Variants in DNAH5 observed in about 807,000 individuals in gnomAD.
The protein encoded by DNAH5 is dynein axonemal heavy chain 5.
Under a neutral mutation model 518.2 loss-of-function variants are expected in DNAH5, and 372 were observed. The observed-to-expected ratio is 0.72, with a 90% CI of 0.66 to 0.78. DNAH5 has a LOEUF of 0.78. Ranked by LOEUF, DNAH5 falls within the 30% of genes least tolerant of loss-of-function variation. DNAH5 has a pLI of 0.00. For missense variants in DNAH5, 5,523 were observed against 5,687.0 expected (o/e 0.97, Z 0.93); for synonymous variants, 2,039 against 2,025.9 (o/e 1.01, Z -0.17).
At chr5:13,906,180 T>C in intron 12 of DNAH5, among the ~76,000 whole-genome samples, 1 of 152,232 alleles carries the variant, frequency 6.6e-6, no homozygotes, top group Admixed American at 6.5e-5. Context: ...CCACGGTCGA[T>C]GCATATCCTT....
rs778042197 is a variant in DNAH5 at position 13,700,714 on chromosome 5, ATGTTCCTCT to A, written c.13640_13648del (p.Lys4547_Asn4549del). On this transcript the variant is annotated inframe_deletion, in exon 78 of 79. Coordinates refer to ENST00000265104, the MANE Select transcript of DNAH5 (RefSeq NM_001369.3). The stretch of plus-strand genomic sequence containing the variant: ...TTTTGGCTTTGATTCAATGAGTTTC[ATGTTCCTCT>A]TGTCCCAGCCAGCACCTTCAAGATA... The A allele has an allele frequency of 3.7e-6, 6 of 1,614,154 alleles. No homozygotes were observed. The highest frequency in any genetic ancestry group is 5.1e-6 in the Non-Finnish European group (6 of 1,180,012).
Position 13,871,598 on chromosome 5 carries a change from T to G in DNAH5, c.3564A>C (p.Glu1188Asp). The G allele has an allele frequency of 5.0e-6, 8 of 1,613,744 alleles. No individual in the cohort carries two copies. The highest frequency in any genetic ancestry group is 6.8e-6 in the Non-Finnish European group (8 of 1,179,748). ...GAGCAATGGAACCCACACAGACATA[T>G]TCAGGCTCAGCATTAATTTCCTGCT... The part of the protein sequence containing the change: ...NLEQEINAEP[E>D]YVCVGSIALY... Residue 1188 changes from glutamate (E) to aspartate (D), a missense_variant, in exon 23 of 79, where the codon GAA becomes GAC. By Grantham distance (45) the Glu-to-Asp change is conservative (BLOSUM62 2). Coordinates refer to ENST00000265104, the MANE Select transcript of DNAH5 (RefSeq NM_001369.3).
In DNAH5 at chr5:13,752,227, C is replaced by T; in HGVS notation, c.10935G>A (p.Arg3645=). 6.2e-7 allele frequency: 1 copy of T among 1,614,012 alleles called. No homozygotes were observed. Among genetic ancestry groups the T allele is most frequent in the Non-Finnish European group, 8.5e-7 (1 of 1,179,960 alleles). ...NHLEDSLSLG[R]PLLIEDVGEE... Reference sequence around the variant, plus strand: ...CTCCAACATCTTCAATAAGCAAAGGCCTTCCAAGAGAAAGGCTGTCTTCCA... The same window carrying T: ...CTCCAACATCTTCAATAAGCAAAGGTCTTCCAAGAGAAAGGCTGTCTTCCA... The change falls in exon 64 of 79, where the codon AGG becomes AGA. Residue 3645 remains arginine, a synonymous_variant. Coordinates refer to ENST00000265104, the MANE Select transcript of DNAH5 (RefSeq NM_001369.3).
rs531531194 is a variant in DNAH5, at chr5:13,991,693, A to T, written c.12+19955T>A. ...AGAAACGAGGGAGGCGTGAAGACAG[A>T]ACAGAGGTGTGAGGGGGAGCCCTTC... On this transcript the variant is annotated intron_variant, in intron 1 of 78. Transcript: ENST00000681290. 2.0e-5 allele frequency among the ~76,000 whole-genome samples: 3 copies of T among 152,210 alleles called. No homozygotes were observed. In the South Asian group the frequency reaches 6.2e-4, roughly 32 times the overall value.
At chr5:13,725,308 G>T (rs1745571804) in intron 70 of DNAH5, among the ~76,000 whole-genome samples, 1 of 152,350 alleles carries the variant, frequency 6.6e-6, no homozygotes, top group Non-Finnish European at 1.5e-5. Context: ...ATTTACTGAG[G>T]CAAAGAGGAC....
chr5:13,890,494 T>C (rs1257656313), intron 17 of DNAH5, among the ~76,000 whole-genome samples: 3 of 152,062 alleles, frequency 2.0e-5, no homozygotes, highest in Admixed American at 6.6e-5. Flanking sequence ...GCACAGTCTT[T>C]ACCCTAAGCA....
chr5:13,788,641 C>A, intron 51 of DNAH5, 75 bp downstream of exon 51: 1 of 1,282,696 alleles, frequency 7.8e-7, no homozygotes. Flanking sequence ...CATCCATAAA[C>A]TGAATCTTCT....
At chr5:13,829,992 C>A in intron 37 of DNAH5, 34 bp downstream of exon 37, 1 of 1,590,888 alleles carries the variant, frequency 6.3e-7, no homozygotes, top group Non-Finnish European at 8.6e-7. Flanking sequence ...GATAAGAAGG[C>A]TGAAATTCAG....
At chr5:13,841,466 C>T (rs1765155350) in intron 33 of DNAH5, among the ~76,000 whole-genome samples, 1 of 152,106 alleles carries the variant, frequency 6.6e-6, no homozygotes, top group African/African-American at 2.4e-5. Context: ...AAAGACAATA[C>T]ATCAAATATA....
intron 69 of DNAH5, among the ~76,000 whole-genome samples, chr5:13,728,101 T>C (rs1227056285): frequency 6.6e-6 from 1 of 152,226 alleles, no homozygotes; most frequent in African/African-American, 2.4e-5. Context: ...CACATGTTTA[T>C]TATTGAATGA....
intron 49 of DNAH5, among the ~76,000 whole-genome samples, chr5:13,793,213 C>T (rs1757272505): frequency 6.6e-6 from 1 of 152,174 alleles, no homozygotes; most frequent in South Asian, 2.1e-4. Flanking sequence ...AGGAAACAAC[C>T]TCATGTATGG....
At chr5:13,864,753 T>C in intron 27 of DNAH5, 116 bp from the exon 28 acceptor site, 1 of 1,148,918 alleles carries the variant, frequency 8.7e-7, no homozygotes, top group Non-Finnish European at 1.3e-6. Flanking sequence ...TTATCCTATT[T>C]TAAATCCCAT....
Position 13,991,527 on chromosome 5 carries a change from A to AGGAGG in DNAH5, c.12+20116_12+20120dup, listed in dbSNP as rs1012557115. 2.2e-4 allele frequency among the ~76,000 whole-genome samples: 18 copies of AGGAGG among 80,888 alleles called. No individual in the cohort carries two copies. The South Asian group carries it at 2.4e-3, about 11-fold the overall frequency. 53.1% of individuals were successfully genotyped at this position (80,888 alleles called of 152,430 possible). A position where few individuals can be genotyped will look rare whatever the true frequency, so the allele number is the denominator to read the frequency against. ...GAAGGAGAAGGAGGAAGAGGAGGGG[A>AGGAGG]GGAGGGGAGGGGAGGGGGAGGAGGA... On this transcript the variant is annotated intron_variant, in intron 1 of 78. Coordinates refer to the DNAH5 transcript ENST00000681290.
At chr5:13,772,995 C>T (rs1352314401) in intron 55 of DNAH5, among the ~76,000 whole-genome samples, 1 of 152,182 alleles carries the variant, frequency 6.6e-6, no homozygotes, top group African/African-American at 2.4e-5. Flanking sequence ...CTAATACTCA[C>T]AGATGGTATT....
chr5:13,869,202 A>T (rs937382038), intron 24 of DNAH5, among the ~76,000 whole-genome samples: 2 of 152,114 alleles, frequency 1.3e-5, no homozygotes, highest in African/African-American at 4.8e-5. Flanking sequence ...TAATGTGAAA[A>T]TTTTCAAAAT....
chr5:13,856,670 AATCAAGTCAGCTTCATCCCTGGG>A (rs1217996340), intron 30 of DNAH5, among the ~76,000 whole-genome samples: 3 of 152,202 alleles, frequency 2.0e-5, no homozygotes, highest in African/African-American at 7.2e-5. Context: ...TATCCACCAC[AATCAAGTCAGCTTCATCCCTGGG>A]ATGTAACGCT....
At chr5:13,910,987 G>A (rs2151977036) in intron 12 of DNAH5, among the ~76,000 whole-genome samples, 1 of 152,334 alleles carries the variant, frequency 6.6e-6, no homozygotes, top group Non-Finnish European at 1.5e-5. Flanking sequence ...GCCAGTGGCA[G>A]CCCTGCCTTG....
At chr5:13,889,383 A>G (rs1049313246) in intron 17 of DNAH5, among the ~76,000 whole-genome samples, 9 of 152,156 alleles carry the variant, frequency 5.9e-5, no homozygotes, top group Non-Finnish European at 8.8e-5. Context: ...TAACATGTAG[A>G]CAGTAAGTTT....
intron 60 of DNAH5, 113 bp from the exon 61 acceptor site, chr5:13,759,096 C>T (rs542603397): frequency 2.8e-5 from 39 of 1,407,456 alleles, no homozygotes; most frequent in African/African-American, 2.7e-4. Flanking sequence ...GCTTTGTTCC[C>T]GCTCCAGAAT....
Sources: allele counts gnomAD v4.1 joint callset (sites outside exome capture counted in the v4.1 genomes callset), GRCh38; gene constraint gnomAD v4.1.1; transcripts MANE v1.5; gene names NCBI Gene and HGNC (gene_info 2026-07-23, HGNC 2026-07-21).